EVC2: variants seen among roughly 807,000 people sequenced by gnomAD.
The protein encoded by EVC2 is EvC ciliary complex subunit 2.
A neutral mutation model predicts 149.3 loss-of-function variants in EVC2; 148 were observed. That is an observed-to-expected ratio of 0.99 (90% CI 0.87 to 1.14). EVC2 has a LOEUF of 1.14. Ranked by LOEUF, EVC2 falls within the 50% of genes most tolerant of loss-of-function variation. EVC2 has a pLI of 0.00. For synonymous variants in EVC2, 776 were observed against 649.9 expected (o/e 1.19, Z -2.95); for missense variants, 1,854 against 1,627.3 (o/e 1.14, Z -2.40).
chr4:5,594,968 G>C (rs1217857636), intron 16 of EVC2, among the ~76,000 whole-genome samples: 1 of 152,202 alleles, frequency 6.6e-6, no homozygotes, highest in Non-Finnish European at 1.5e-5. Flanking sequence ...AAGGCTATCA[G>C]TGACGGAAGA....
chr4:5,693,660 G>A (rs1396754529), intron 3 of EVC2, among the ~76,000 whole-genome samples: 1 of 152,234 alleles, frequency 6.6e-6, no homozygotes, highest in South Asian at 2.1e-4. Context: ...ATTTGTGACA[G>A]CAGCCCCAGG....
In EVC2 at chr4:5,576,068, G is replaced by C. The variant is rs1722902769; in HGVS notation, c.3272+172C>G. ...TTAAATTTAAAAAAGAAGGGCATCA[G>C]GGAAGAAAGAGTATGCTACAAAGCC... On this transcript the variant is annotated intron_variant, in intron 18 of 21. Transcript: ENST00000344408. This position sits in a 1 kb window ranked among gnomAD's most constrained non-coding sequence, Gnocchi z 4.5. Among the ~76,000 whole-genome samples the C allele has an allele frequency of 6.6e-6, 1 of 152,232 alleles. No individual in the cohort carries two copies.
chr4:5,582,718 T>C (rs1560138102), intron 17 of EVC2, among the ~76,000 whole-genome samples: 2 of 152,164 alleles, frequency 1.3e-5, no homozygotes, highest in Admixed American at 6.5e-5. Flanking sequence ...TCATGTTGAA[T>C]TGTAATCCCC....
chr4:5,647,960 T>C (rs1717845443), intron 9 of EVC2, among the ~76,000 whole-genome samples: 1 of 152,062 alleles, frequency 6.6e-6, no homozygotes, highest in South Asian at 2.1e-4. Flanking sequence ...TCAGTGAATG[T>C]AGGCAGCAGC....
intron 16 of EVC2, 106 bp downstream of exon 16, chr4:5,615,316 T>G: frequency 1.3e-6 from 2 of 1,571,802 alleles, no homozygotes; most frequent in Non-Finnish European, 1.7e-6. Context: ...TGGGTGGAGA[T>G]GGATGGCACA....
intron 7 of EVC2, among the ~76,000 whole-genome samples, chr4:5,673,546 G>C (rs958428704): frequency 2.4e-5 from 3 of 122,922 alleles, no homozygotes; most frequent in Non-Finnish European, 3.4e-5. Flanking sequence ...TAAAGAAAAA[G>C]AGATGGTTAT....
intron 9 of EVC2, among the ~76,000 whole-genome samples, chr4:5,648,609 G>C (rs575664141): frequency 3.3e-5 from 5 of 152,172 alleles, no homozygotes; most frequent in Non-Finnish European, 7.3e-5. Context: ...GCACAGTCTG[G>C]CATTTTGTTG....
At chr4:5,594,463 C>G (rs553860549) in intron 16 of EVC2, among the ~76,000 whole-genome samples, 4 of 152,292 alleles carry the variant, frequency 2.6e-5, no homozygotes, top group African/African-American at 4.8e-5. Context: ...AGGTAAACAG[C>G]GTCTGGAGTG....
At position 5,708,481 on chromosome 4, in the gene EVC2, C is replaced by T. The variant is rs1202476781; in HGVS notation, c.33G>A (p.Thr11=). 2 of 1,486,664 alleles carry T rather than the reference C, an allele frequency of 1.3e-6. No individual in the cohort carries two copies. Among genetic ancestry groups the T allele is most frequent in the South Asian group, 2.5e-5 (2 of 78,638 alleles). The allele number at this position is 1,486,664 out of a possible 1,614,324, so 92.1% of individuals were successfully genotyped here. The change falls in exon 1 of 22, where the codon ACG becomes ACA. Residue 11 remains threonine (T), a synonymous_variant. Coordinates refer to ENST00000344408, the MANE Select transcript of EVC2 (RefSeq NM_147127.5). ...CCAGGAGACCCCCGGCCAGCACCCA[C>T]GTGGGGCGCCCCCGGGAGCCCGAGG... MDPSGSRGRP[T]WVLAGGLLAV... is the part of the protein sequence containing the mutation.
At chr4:5,574,869 A>G (rs2108777157) in intron 18 of EVC2, 97 bp from the exon 19 acceptor site, 3 of 1,250,546 alleles carry the variant, frequency 2.4e-6, no homozygotes, top group Non-Finnish European at 3.5e-6. Context: ...CACACATCTC[A>G]GCCATATGAT....
In EVC2 at chr4:5,620,667, C is replaced by T. The variant is rs1473780225; in HGVS notation, c.2501+1870G>A. On this transcript the variant is annotated intron_variant, in intron 14 of 21. Transcript: ENST00000344408. Reference sequence around the variant, plus strand: ...GACTCACATTGCGTACACTGTGAGTCGATCCTCTTTAACCCTTGGAAAAAT... The same window carrying T: ...GACTCACATTGCGTACACTGTGAGTTGATCCTCTTTAACCCTTGGAAAAAT... 3.9e-5 allele frequency among the ~76,000 whole-genome samples: 6 copies of T among 152,122 alleles called. No individual in the cohort carries two copies. The South Asian group carries it at 6.2e-4, about 16-fold the overall frequency.
chr4:5,682,868 A>AC (rs1441979412), intron 6 of EVC2, among the ~76,000 whole-genome samples: 7 of 152,118 alleles, frequency 4.6e-5, no homozygotes, highest in Admixed American at 2.0e-4. Flanking sequence ...TCAAAAAAAA[A>AC]AAAAAAAGAA....
chr4:5,607,267 T>C (rs558545920), intron 16 of EVC2, among the ~76,000 whole-genome samples: 1 of 152,190 alleles, frequency 6.6e-6, no homozygotes, highest in African/African-American at 2.4e-5. Flanking sequence ...TGAAAACAAT[T>C]GTAAAATTTC....
In EVC2 at chr4:5,622,388, G is replaced by A. The variant is rs560797729; in HGVS notation, c.2501+149C>T. 110 of 920,074 alleles carry A rather than the reference G, an allele frequency of 1.2e-4. No homozygotes were observed. In the African/African-American group the frequency reaches 1.5e-3, roughly 12 times the overall value. 57.0% of individuals were successfully genotyped at this position (920,074 alleles called of 1,614,324 possible). A position where few individuals can be genotyped will look rare whatever the true frequency, so the allele number is the denominator to read the frequency against. On this transcript the variant is annotated intron_variant, in intron 14 of 21. Transcript: ENST00000344408. The surrounding 1 kb of genome is among the most constrained non-coding windows in gnomAD (Gnocchi z 5.8). Reference sequence around the variant, plus strand: ...ACATTCGAGGTCCTCCCCCCGGGGCGTTGAGTTTATATGACTAATTAACGC... The same window carrying A: ...ACATTCGAGGTCCTCCCCCCGGGGCATTGAGTTTATATGACTAATTAACGC...
At chr4:5,659,689 T>C (rs80153276) in intron 9 of EVC2, among the ~76,000 whole-genome samples, 8,406 of 152,286 alleles carry the variant, frequency 0.055, 252 homozygotes, top group Middle Eastern at 0.092. Flanking sequence ...TCAACATTCC[T>C]ATTGTACTCA....
intron 17 of EVC2, among the ~76,000 whole-genome samples, chr4:5,577,562 TC>T (rs1723006579): frequency 6.6e-6 from 1 of 152,152 alleles, no homozygotes; most frequent in Non-Finnish European, 1.5e-5. Flanking sequence ...GGTCTAATTT[TC>T]TGCAGAAAGG....
At chr4:5,541,075 T>C (rs953740329), downstream of EVC2, among the ~76,000 whole-genome samples, 1 of 152,226 alleles carries the variant, frequency 6.6e-6, no homozygotes, top group African/African-American at 2.4e-5. Context: ...CGCTGGCCTT[T>C]TCCGACAGCA....
intron 16 of EVC2, among the ~76,000 whole-genome samples, chr4:5,596,856 C>G (rs139049486): frequency 0.017 from 2,641 of 152,142 alleles, 67 homozygotes; most frequent in African/African-American, 0.059. Flanking sequence ...GAATCAAATA[C>G]ACGCAATAAA....
At chr4:5,566,821 G>C (rs1722318362) in intron 20 of EVC2, among the ~76,000 whole-genome samples, 1 of 152,072 alleles carries the variant, frequency 6.6e-6, no homozygotes, top group African/African-American at 2.4e-5. Context: ...GTCCACAGGG[G>C]TGGTAGGCAG....
Sources: gnomAD v4.1 joint callset for allele counts (sites outside exome capture counted in the v4.1 genomes callset) on GRCh38, gnomAD v4.1.1 for gene constraint, Gnocchi (gnomAD v3.1) non-coding constraint, MANE v1.5 for transcripts, NCBI Gene and HGNC (gene_info 2026-07-23, HGNC 2026-07-21) for gene names.